The following RGS6 variants were observed in gnomAD, a reference collection of about 807,000 sequenced individuals.
RGS6 encodes the protein regulator of G protein signaling 6, also known as regulator of G-protein signaling 6.
A neutral mutation model predicts 78.5 loss-of-function variants in RGS6; 30 were observed. The observed-to-expected ratio is 0.38, with a 90% CI of 0.29 to 0.52. RGS6 has a LOEUF of 0.52. RGS6 is among the 20% of genes least tolerant of loss of function. RGS6 has a pLI of 0.85. For missense variants in RGS6, 495 were observed against 609.7 expected, an observed-to-expected ratio of 0.81 and a Z score of 1.98; for synonymous variants, 206 against 206.0, an observed-to-expected ratio of 1.00 and a Z score of 0.00.
intron 17 of RGS6, chr14:72,541,130 C>G (rs1404840599): frequency 7.3e-7 from 1 of 1,368,036 alleles, no homozygotes. Context: ...ATGCAGGGAG[C>G]TGGCCACATT....
chr14:72,295,674 TAGGGTAA>T (rs1486655453), intron 2 of RGS6, among the ~76,000 whole-genome samples: 1 of 152,250 alleles, frequency 6.6e-6, no homozygotes, highest in Non-Finnish European at 1.5e-5. Context: ...TGTTTTTATA[TAGGGTAA>T]TATAGAATTG....
chr14:72,555,922 A>G (rs1162479360), intron 17 of RGS6, among the ~76,000 whole-genome samples: 7 of 152,122 alleles, frequency 4.6e-5, no homozygotes, highest in Non-Finnish European at 7.4e-5. Flanking sequence ...GACCATTCCC[A>G]CCATGCCACT....
chr14:72,300,695 A>G (rs1052831488), intron 2 of RGS6, among the ~76,000 whole-genome samples: 1 of 152,182 alleles, frequency 6.6e-6, no homozygotes, highest in Non-Finnish European at 1.5e-5. Context: ...TATCCACTCA[A>G]CTGAGTCTGG....
At chr14:71,996,941 G>A (rs1259335716) in intron 2 of RGS6, among the ~76,000 whole-genome samples, 1 of 152,184 alleles carries the variant, frequency 6.6e-6, no homozygotes, top group Non-Finnish European at 1.5e-5. Flanking sequence ...CCTGGGCAGA[G>A]CTGAATGGTG....
At chr14:72,424,746 A>C (rs2094359433) in intron 3 of RGS6, among the ~76,000 whole-genome samples, 1 of 152,334 alleles carries the variant, frequency 6.6e-6, no homozygotes, top group East Asian at 1.9e-4. Flanking sequence ...CATCTTGTTT[A>C]TATGGATTTT....
At chr14:71,962,733 G>C (rs2093288769) in intron 1 of RGS6, among the ~76,000 whole-genome samples, 1 of 152,122 alleles carries the variant, frequency 6.6e-6, no homozygotes, top group African/African-American at 2.4e-5. Flanking sequence ...TTTATAAATA[G>C]TGAAGAAAGC....
chr14:72,067,843 G>A (rs1425043135), intron 2 of RGS6, among the ~76,000 whole-genome samples: 4 of 152,176 alleles, frequency 2.6e-5, no homozygotes, highest in Admixed American at 1.3e-4. Context: ...TTTTGCCACC[G>A]TGAGGATGGT....
At chr14:72,560,716 A>G (rs1281773162) in intron 17 of RGS6, among the ~76,000 whole-genome samples, 1 of 151,980 alleles carries the variant, frequency 6.6e-6, no homozygotes, top group East Asian at 1.9e-4. Context: ...TCCTTAGCCA[A>G]GTATAAATGT....
rs1376452209 is a variant in RGS6 at position 72,224,460 on chromosome 14, T to G, written c.85-127635T>G. ...AAAAAGAAATGGTTTGGGTGTGGGT[T>G]TTTTTTTTTATATACTTTAGAGGCT... On this transcript the variant is annotated intron_variant, in intron 2 of 17. Coordinates refer to ENST00000553525, the MANE Select transcript of RGS6 (RefSeq NM_001204424.2). 0.012 allele frequency among the ~76,000 whole-genome samples: 23 copies of G among 1,910 alleles called. 1 individual carries two copies. In the South Asian group the frequency reaches 0.27, roughly 23 times the overall value. The allele number at this position is 1,910 out of a possible 152,430, so 1.3% of individuals were successfully genotyped here. A position where few individuals can be genotyped will look rare whatever the true frequency, so the allele number is the denominator to read the frequency against.
intron 2 of RGS6, among the ~76,000 whole-genome samples, chr14:72,060,406 A>G (rs977919068): frequency 1.0e-5 from 1 of 97,616 alleles, no homozygotes; most frequent in Non-Finnish European, 2.1e-5. Flanking sequence ...ATATGCTTTT[A>G]TGTAACCTGA....
intron 6 of RGS6, among the ~76,000 whole-genome samples, chr14:72,461,317 A>G (rs1418526773): frequency 1.3e-5 from 2 of 152,154 alleles, no homozygotes; most frequent in Non-Finnish European, 2.9e-5. Context: ...TAAAATATTT[A>G]CTTCCGTAAA....
chr14:71,921,107 C>A, the RGS6 span, among the ~76,000 whole-genome samples: 1 of 152,194 alleles, frequency 6.6e-6, no homozygotes, highest in Non-Finnish European at 1.5e-5. Context: ...AAAAAATGCT[C>A]AACATCACTA....
chr14:72,599,929 C>G, the RGS6 span, among the ~76,000 whole-genome samples: 1 of 152,154 alleles, frequency 6.6e-6, no homozygotes, highest in Non-Finnish European at 1.5e-5. Flanking sequence ...CCATCCACAC[C>G]TGTCCTGGCC....
intron 2 of RGS6, among the ~76,000 whole-genome samples, chr14:72,169,330 G>A (rs552560759): frequency 2.4e-4 from 36 of 151,280 alleles, no homozygotes; most frequent in African/African-American, 7.5e-4. Flanking sequence ...ATTACAATAC[G>A]GATGTCTTCT....
intron 12 of RGS6, among the ~76,000 whole-genome samples, chr14:72,482,621 G>A (rs973863708): frequency 6.6e-6 from 1 of 152,184 alleles, no homozygotes; most frequent in African/African-American, 2.4e-5. Context: ...GCTGGTTTAG[G>A]ATGGCCTCAG....
At chr14:72,420,597 T>A (rs983495014) in intron 3 of RGS6, among the ~76,000 whole-genome samples, 2 of 151,822 alleles carry the variant, frequency 1.3e-5, no homozygotes, top group Non-Finnish European at 2.9e-5. Context: ...TTCCCTTTTA[T>A]CTTTTGGACC....
chr14:72,358,271 C>A (rs901628145), intron 3 of RGS6, among the ~76,000 whole-genome samples: 4 of 152,208 alleles, frequency 2.6e-5, no homozygotes, highest in African/African-American at 4.8e-5. Context: ...GGAGTCCCCA[C>A]ACAGAGTCCC....
intron 2 of RGS6, among the ~76,000 whole-genome samples, chr14:72,114,091 C>G (rs993021225): frequency 6.6e-6 from 1 of 152,146 alleles, no homozygotes; most frequent in Non-Finnish European, 1.5e-5. Context: ...TGAATGGCTG[C>G]CAGTTTGGAT....
intron 3 of RGS6, among the ~76,000 whole-genome samples, chr14:72,395,425 T>A (rs1161602603): frequency 2.0e-5 from 3 of 152,204 alleles, no homozygotes; most frequent in East Asian, 1.9e-4. Context: ...ATTTTTAATT[T>A]AAAAAATACA....
Sources: gnomAD v4.1 joint callset for allele counts (sites outside exome capture counted in the v4.1 genomes callset) on GRCh38, gnomAD v4.1.1 for gene constraint, MANE v1.5 for transcripts, NCBI Gene and HGNC (gene_info 2026-07-23, HGNC 2026-07-21) for gene names.